Variants in DAZAP2 observed in about 807,000 individuals in gnomAD.
The protein encoded by DAZAP2 is DAZ associated protein 2, also known as DAZ-associated protein 2.
A neutral mutation model predicts 16.2 loss-of-function variants in DAZAP2; 3 were observed. The ratio of observed to expected loss-of-function variants is 0.19; its 90% CI spans 0.08 to 0.48. The LOEUF is 0.48. Among genes scored for constraint, DAZAP2 ranks in the 20% least tolerant of loss-of-function variants. The probability of loss-of-function intolerance (pLI) is 0.98; values close to 1 mark genes in which losing one functional copy is unlikely to be tolerated. For missense variants in DAZAP2, 172 were observed against 215.9 expected, an observed-to-expected ratio of 0.80 and a Z score of 1.27; for synonymous variants, 69 against 77.6, an observed-to-expected ratio of 0.89 and a Z score of 0.58.
At chr12:51,244,557 A>AT (rs1944738912), downstream of DAZAP2, 1 of 151,978 alleles carries the variant, frequency 6.6e-6, no homozygotes, top group Admixed American at 6.5e-5. Context: ...GAGGCAATAC[A>AT]TTAAGACTTC....
At chr12:51,244,017 G>A (rs1336760325), downstream of DAZAP2, 1 of 711,420 alleles carries the variant, frequency 1.4e-6, no homozygotes, top group East Asian at 1.3e-4. Context: ...TGGAATTTCG[G>A]ACCTAAACTT....
At position 51,242,979 on chromosome 12, in the gene DAZAP2, G is replaced by T; in HGVS notation, c.*521G>T. The T allele has an allele frequency of 9.4e-7, 1 of 1,061,912 alleles. No individual in the cohort carries two copies. 65.8% of individuals were successfully genotyped at this position (1,061,912 alleles called of 1,614,324 possible). ...CCTAGTCTTCCATTTCCTCCCGCCA[G>T]TCTCCATTGAATCAATGGTGCAGGA... On this transcript the variant is annotated 3_prime_UTR_variant, in exon 4 of 4. Coordinates refer to ENST00000412716, the MANE Select transcript of DAZAP2 (RefSeq NM_014764.4).
chr12:51,242,871 T>A lies in DAZAP2; in HGVS notation c.*413T>A. 1 of 1,327,826 alleles carries A rather than the reference T, an allele frequency of 7.5e-7. No homozygotes were observed. Among genetic ancestry groups the A allele is most frequent in the South Asian group, 1.9e-5 (1 of 51,946 alleles). The allele number at this position is 1,327,826 out of a possible 1,614,324, so 82.3% of individuals were successfully genotyped here. The stretch of plus-strand genomic sequence containing the variant: ...TCTTTAATCTCCTTTAAGTCTTTGA[T>A]ATATATTACTTGTTATAAATGGAAC... On this transcript the variant is annotated 3_prime_UTR_variant, in exon 4 of 4. Coordinates refer to ENST00000412716, the MANE Select transcript of DAZAP2 (RefSeq NM_014764.4).
chr12:51,245,207 C>T (rs566790943), downstream of DAZAP2: 1 of 152,228 alleles, frequency 6.6e-6, no homozygotes, highest in South Asian at 2.1e-4. Context: ...TGAGATAGTT[C>T]TGCAAACTTC....
In DAZAP2 at chr12:51,242,416, C is replaced by T; in HGVS notation, c.465C>T (p.Asn155=). 1.2e-6 allele frequency: 2 copies of T among 1,614,190 alleles called. No individual in the cohort carries two copies. The highest frequency in any genetic ancestry group is 1.7e-6 in the Non-Finnish European group (2 of 1,180,034). ...ANVLVTQRKG[N]FFMGGSDGGY... The stretch of plus-strand genomic sequence containing the variant: ...TCCTCGTAACTCAGCGGAAGGGGAA[C>T]TTCTTCATGGGTGGTTCAGATGGTG... The change falls in exon 4 of 4, where the codon AAC becomes AAT. Residue 155 remains asparagine (N), a synonymous_variant. Transcript: ENST00000412716.
At position 51,242,396 on chromosome 12, in the gene DAZAP2, G is replaced by C. The variant is rs571090536; in HGVS notation, c.445G>C (p.Val149Leu). Residue 149 changes from valine (V) to leucine (L), a missense_variant, in exon 4 of 4, where the codon GTA (valine) becomes CTA (leucine). Transcript: ENST00000412716. The part of the protein sequence containing the change: ...LAVMQGANVL[V>L]TQRKGNFFMG... ...AGTCATGCAGGGAGCCAACGTCCTC[G>C]TAACTCAGCGGAAGGGGAACTTCTT... 6.2e-7 allele frequency: 1 copy of C among 1,614,076 alleles called. No homozygotes were observed. The highest frequency in any genetic ancestry group is 1.7e-5 in the Admixed American group (1 of 60,014).
intron 1 of DAZAP2, 33 bp from the exon 2 acceptor site, chr12:51,240,310 G>A: frequency 6.4e-7 from 1 of 1,572,364 alleles, no homozygotes; most frequent in African/African-American, 1.3e-5. Flanking sequence ...GCTCTGTGTA[G>A]TAGGCAACCT....
Position 51,243,006 on chromosome 12 carries a change from A to C in DAZAP2, c.*548A>C. 2.0e-6 allele frequency: 2 copies of C among 1,012,026 alleles called. No individual in the cohort carries two copies. Among genetic ancestry groups the C allele is most frequent in the Non-Finnish European group, 2.4e-6 (2 of 847,344 alleles). The allele number at this position is 1,012,026 out of a possible 1,614,324, so 62.7% of individuals were successfully genotyped here. A position where few individuals can be genotyped will look rare whatever the true frequency, so the allele number is the denominator to read the frequency against. On this transcript the variant is annotated 3_prime_UTR_variant, in exon 4 of 4. Transcript: ENST00000412716. The stretch of plus-strand genomic sequence containing the variant: ...CTCCATTGAATCAATGGTGCAGGAC[A>C]GAAAGCCAGTCAGACTAATTTCCTT...
intron 3 of DAZAP2, among the ~76,000 whole-genome samples, chr12:51,241,415 A>G (rs1315076751): frequency 6.6e-6 from 1 of 152,094 alleles, no homozygotes; most frequent in Non-Finnish European, 1.5e-5. Context: ...TATTCATTCC[A>G]TAAGCATTTA....
chr12:51,240,330 T>C lies in DAZAP2; in HGVS notation c.14-13T>C. 1.2e-6 allele frequency: 2 copies of C among 1,608,608 alleles called. No individual in the cohort carries two copies. Among genetic ancestry groups the C allele is most frequent in the Non-Finnish European group, 1.7e-6 (2 of 1,175,034 alleles). On this transcript the variant is annotated splice_polypyrimidine_tract_variant and intron_variant, in intron 1 of 3. Coordinates refer to ENST00000412716, the MANE Select transcript of DAZAP2 (RefSeq NM_014764.4). ...GTGTAGTAGGCAACCTTCATTTTTTTCTTGTCTTTCAGGTCAATATCCAAC... is the reference window on the plus strand; with the variant it reads ...GTGTAGTAGGCAACCTTCATTTTTTCCTTGTCTTTCAGGTCAATATCCAAC...
chr12:51,245,259 T>C (rs1944751266), downstream of DAZAP2: 2 of 152,306 alleles, frequency 1.3e-5, no homozygotes, highest in South Asian at 2.1e-4. Flanking sequence ...AGAGAACATA[T>C]GTAAAGGCGT....
At chr12:51,242,277 C>T (rs1944691105) in intron 3 of DAZAP2, 53 bp from the exon 4 acceptor site, 3 of 1,526,312 alleles carry the variant, frequency 2.0e-6, no homozygotes, top group East Asian at 4.5e-5. Flanking sequence ...CCTATGTCCC[C>T]TTCGCTTATA....
chr12:51,246,331 A>G, downstream of DAZAP2: 1 of 605,474 alleles, frequency 1.7e-6, no homozygotes, highest in Admixed American at 3.3e-5. Context: ...CTAAGGACAC[A>G]TGCTTTTGAT....
At chr12:51,246,470 C>T (rs1944770866), downstream of DAZAP2, 1 of 431,782 alleles carries the variant, frequency 2.3e-6, no homozygotes, top group Non-Finnish European at 4.1e-6. Flanking sequence ...CTCACCCACT[C>T]AACCAACCAC....
downstream of DAZAP2, chr12:51,246,014 C>A (rs1378913857): frequency 3.1e-6 from 5 of 1,613,780 alleles, no homozygotes; most frequent in Non-Finnish European, 4.2e-6. Flanking sequence ...ACTGGGCTCA[C>A]CTTCTGTAGG....
chr12:51,244,020 C>G, downstream of DAZAP2: 1 of 684,200 alleles, frequency 1.5e-6, no homozygotes. Flanking sequence ...AATTTCGGAC[C>G]TAAACTTAGA....
In DAZAP2 at chr12:51,241,030, T is replaced by C; in HGVS notation, c.292T>C (p.Tyr98His). The change falls in exon 3 of 4, where the codon TAT becomes CAT. Residue 98 changes from tyrosine to histidine, a missense_variant. Coordinates refer to ENST00000412716, the MANE Select transcript of DAZAP2 (RefSeq NM_014764.4). ...GGCTTATTATCCAGTCGGTCCCATC[T>C]ATCCACCTGGCTCCACAGTGCTGGT... ...PMAYYPVGPIYPPGSTVLVEG... is the reference protein window; with the variant it reads ...PMAYYPVGPIHPPGSTVLVEG... 2 of 1,614,220 alleles carry C rather than the reference T, an allele frequency of 1.2e-6. No individual in the cohort carries two copies. The highest frequency in any genetic ancestry group is 1.7e-6 in the Non-Finnish European group (2 of 1,180,044).
chr12:51,238,946 G>C (rs1386791133), intron 1 of DAZAP2, 26 bp downstream of exon 1: 1 of 1,612,710 alleles, frequency 6.2e-7, no homozygotes, highest in South Asian at 1.1e-5. Flanking sequence ...GGCAGAGGCC[G>C]TCGGGGGGAG....
At chr12:51,239,205 G>A in intron 1 of DAZAP2, 1 of 455,534 alleles carries the variant, frequency 2.2e-6, no homozygotes, top group South Asian at 2.8e-5. Context: ...AGCAAATAGA[G>A]CGCTAGCGCA....
Sources: gnomAD v4.1 joint callset for allele counts (sites outside exome capture counted in the v4.1 genomes callset) on GRCh38, gnomAD v4.1.1 for gene constraint, MANE v1.5 for transcripts, NCBI Gene and HGNC (gene_info 2026-07-23, HGNC 2026-07-21) for gene names.